Variants in IVD observed in about 807,000 individuals in gnomAD.
IVD encodes the protein isovaleryl-CoA dehydrogenase.
In IVD, 31 loss-of-function variants were observed where a neutral mutation model predicts 51.3. That is an observed-to-expected ratio of 0.60 (90% CI 0.45 to 0.81). The LOEUF (loss-of-function observed/expected upper bound fraction) is 0.81. Ranked by LOEUF, IVD falls within the 40% of genes least tolerant of loss-of-function variation. The pLI, the probability that IVD is intolerant of heterozygous loss-of-function variation, is 0.00. For missense variants in IVD, 475 were observed against 552.0 expected (o/e 0.86, Z 1.40); for synonymous variants, 205 against 219.4 (o/e 0.93, Z 0.58).
chr15:40,421,740 A>G (rs1892316317), downstream of IVD, among the ~76,000 whole-genome samples: 1 of 152,194 alleles, frequency 6.6e-6, no homozygotes. Flanking sequence ...TAATCTAGTG[A>G]TAACAATCCC....
intron 6 of IVD, 78 bp downstream of exon 6, chr15:40,411,769 C>G (rs768066894): frequency 3.9e-6 from 6 of 1,522,796 alleles, no homozygotes; most frequent in Non-Finnish European, 5.4e-6. Flanking sequence ...TCACTGATCT[C>G]AAATGGAATC....
rs1418302146 is a variant in IVD at position 40,411,251 on chromosome 15, T to C, written c.457-9T>C. On this transcript the variant is annotated splice_polypyrimidine_tract_variant and intron_variant, in intron 4 of 11. Coordinates refer to ENST00000487418, the MANE Select transcript of IVD (RefSeq NM_002225.5). ...TTGTAACAAGGCCTGTTGGGGGTTTTCCTTGCAGCTGATCAGTGGTGAGTA... is the reference window on the plus strand; with the variant it reads ...TTGTAACAAGGCCTGTTGGGGGTTTCCCTTGCAGCTGATCAGTGGTGAGTA... The C allele has an allele frequency of 2.5e-6, 4 of 1,613,944 alleles. No individual in the cohort carries two copies. Among genetic ancestry groups the C allele is most frequent in the Non-Finnish European group, 3.4e-6 (4 of 1,179,932 alleles).
intron 1 of IVD, among the ~76,000 whole-genome samples, chr15:40,406,721 G>A (rs571383684): frequency 1.3e-5 from 2 of 152,318 alleles, no homozygotes; most frequent in Admixed American, 1.3e-4. Context: ...GATGGAGTTG[G>A]CGGAGGTATG....
downstream of IVD, among the ~76,000 whole-genome samples, chr15:40,421,830 C>G (rs569961862): frequency 9.8e-4 from 150 of 152,296 alleles, no homozygotes; most frequent in African/African-American, 3.5e-3. Context: ...CGCGCAGGGC[C>G]CCCTTTCAGA....
Position 40,420,334 on chromosome 15 carries a change from G to T in IVD, c.*2071G>T, listed in dbSNP as rs193199905. 1.4e-5 allele frequency: 14 copies of T among 987,672 alleles called. No homozygotes were observed. Among genetic ancestry groups the T allele is most frequent in the Non-Finnish European group, 1.7e-5 (14 of 830,156 alleles). 61.2% of individuals were successfully genotyped at this position (987,672 alleles called of 1,614,324 possible). ...TACCCGAGCAGGCCGGAGTTGGCTC[G>T]CATGACTCCAGCTGAGGCTGCCTGT... On this transcript the variant is annotated 3_prime_UTR_variant, in exon 12 of 12. Transcript: ENST00000487418.
In IVD at chr15:40,431,138, T is replaced by C. The variant is rs559702208; in HGVS notation, c.720-2716T>C. On this transcript the variant is annotated intron_variant, in intron 7 of 8. Transcript: ENST00000473112. ...TCCACTATTATTACGCTTTTTTTTT[T>C]TTTGTCTTTTTTTTTCTTCCTTTTT... Among the ~76,000 whole-genome samples, 417 of 151,928 alleles carry C rather than the reference T, an allele frequency of 2.7e-3. 2 individuals carry two copies. Among genetic ancestry groups the C allele is most frequent in the African/African-American group, 9.8e-3 (407 of 41,412 alleles).
At chr15:40,425,439 ACT>A (rs1491272726), downstream of IVD, among the ~76,000 whole-genome samples, 114 of 73,484 alleles carry the variant, frequency 1.6e-3, no homozygotes, top group African/African-American at 4.6e-3. Flanking sequence ...CTGGACTCAT[ACT>A]ATATATATAT....
chr15:40,417,421 T>C (rs993738271), intron 11 of IVD, among the ~76,000 whole-genome samples: 2 of 147,738 alleles, frequency 1.4e-5, no homozygotes, highest in Admixed American at 1.4e-4. Flanking sequence ...GGCAGGAGAA[T>C]CACTTGAACC....
downstream of IVD, among the ~76,000 whole-genome samples, chr15:40,422,585 C>CTTTT (rs1157351420): frequency 0.049 from 3,395 of 68,838 alleles, 376 homozygotes; most frequent in Non-Finnish European, 0.062. Context: ...GCCCGGCCGA[C>CTTTT]TTTTTTTTTT....
Position 40,416,182 on chromosome 15 carries a change from G to C in IVD, c.1065G>C (p.Lys355Asn), listed in dbSNP as rs910454086. The C allele has an allele frequency of 1.2e-6, 2 of 1,614,066 alleles. No individual in the cohort carries two copies. The highest frequency in any genetic ancestry group is 3.3e-5 in the Admixed American group (2 of 60,032). The change falls in exon 10 of 12, where the codon AAG becomes AAC. Residue 355 changes from lysine to asparagine, a missense_variant and splice_region_variant. Lys to Asn is a moderately conservative substitution (Grantham distance 94). Coordinates refer to ENST00000487418, the MANE Select transcript of IVD (RefSeq NM_002225.5). ...KACDEGHCTA[K>N]DCAGVILYSA... ...GCGATGAGGGCCATTGCACTGCTAA[G>C]GTGAGGGCCAGCCTCAGTCGGGGAG...
chr15:40,415,551 G>A, intron 9 of IVD, 69 bp downstream of exon 9: 2 of 1,355,558 alleles, frequency 1.5e-6, no homozygotes, highest in Non-Finnish European at 2.1e-6. Flanking sequence ...AAGAGAGGAA[G>A]TGAGGTGGGC....
chr15:40,425,235 CTG>C (rs1358888560), downstream of IVD, among the ~76,000 whole-genome samples: 4 of 152,130 alleles, frequency 2.6e-5, no homozygotes, highest in Non-Finnish European at 5.9e-5. Context: ...TAACAAACTC[CTG>C]TGTACCCAAC....
chr15:40,416,216 G>A, intron 10 of IVD, 34 bp downstream of exon 10: 2 of 1,612,128 alleles, frequency 1.2e-6, no homozygotes, highest in Non-Finnish European at 1.7e-6. Context: ...AGAGGCGGGG[G>A]CAGTGGACCA....
intron 7 of IVD, among the ~76,000 whole-genome samples, chr15:40,433,151 A>T (rs1465894034): frequency 6.6e-6 from 1 of 152,232 alleles, no homozygotes; most frequent in African/African-American, 2.4e-5. Context: ...TTTTAGACAT[A>T]TAAAGGGTTA....
chr15:40,426,253 C>T (rs189866102), downstream of IVD, among the ~76,000 whole-genome samples: 17 of 152,130 alleles, frequency 1.1e-4, no homozygotes, highest in Admixed American at 9.2e-4. Flanking sequence ...CTAAAACATT[C>T]CTGGCCAGAC....
chr15:40,416,436 C>T, intron 11 of IVD, 74 bp downstream of exon 11: 2 of 1,427,680 alleles, frequency 1.4e-6, no homozygotes, highest in Non-Finnish European at 2.0e-6. Flanking sequence ...AAAGCAGTTT[C>T]AGGGCGGGCG....
intron 3 of IVD, 146 bp from the exon 4 acceptor site, chr15:40,410,482 G>C: frequency 1.1e-6 from 1 of 926,122 alleles, no homozygotes; most frequent in Non-Finnish European, 1.7e-6. Context: ...CAGGTCTGTG[G>C]CATCAGCTTA....
At position 40,420,165 on chromosome 15, in the gene IVD, A is replaced by G; in HGVS notation, c.*1902A>G. 1.0e-6 allele frequency: 1 copy of G among 985,784 alleles called. No individual in the cohort carries two copies. The highest frequency in any genetic ancestry group is 1.2e-6 in the Non-Finnish European group (1 of 830,166). 61.1% of individuals were successfully genotyped at this position (985,784 alleles called of 1,614,324 possible). ...TGAGTCCGCAGGGGGGGCAGAGCAG[A>G]GGACAGCGTGCTTTTGTGTACTGTT... On this transcript the variant is annotated 3_prime_UTR_variant, in exon 12 of 12. Transcript: ENST00000487418.
In IVD at chr15:40,419,937, C is replaced by T. The variant is rs1327553239; in HGVS notation, c.*1674C>T. On this transcript the variant is annotated 3_prime_UTR_variant, in exon 12 of 12. Coordinates refer to ENST00000487418, the MANE Select transcript of IVD (RefSeq NM_002225.5). ...CGACCAACATGGTGAAACCTCGTCTCTACTAAAAATACAAAAATTAGCCAG... is the reference window on the plus strand; with the variant it reads ...CGACCAACATGGTGAAACCTCGTCTTTACTAAAAATACAAAAATTAGCCAG... 6.1e-6 allele frequency: 1 copy of T among 163,284 alleles called. No homozygotes were observed. The highest frequency in any genetic ancestry group is 1.3e-5 in the Non-Finnish European group (1 of 78,288). 10.1% of individuals were successfully genotyped at this position (163,284 alleles called of 1,614,324 possible).
Sources: gnomAD v4.1 joint callset for allele counts (sites outside exome capture counted in the v4.1 genomes callset) on GRCh38, gnomAD v4.1.1 for gene constraint, MANE v1.5 for transcripts, NCBI Gene and HGNC (gene_info 2026-07-23, HGNC 2026-07-21) for gene names.